Variants in CHLSN observed in about 807,000 individuals in gnomAD.
CHLSN encodes protein cholesin.
chr7:993,328 G>C, the CHLSN span, among the ~76,000 whole-genome samples: 1 of 152,162 alleles, frequency 6.6e-6, no homozygotes, highest in Non-Finnish European at 1.5e-5. Context: ...CCGAGGGACT[G>C]GACGGACGGC....
At chr7:1,058,528 C>T in the CHLSN span, 2 of 772,200 alleles carry the variant, frequency 2.6e-6, no homozygotes, top group African/African-American at 1.7e-5. Context: ...GCGGCCCAGC[C>T]CTCCTGGGGA....
chr7:1,008,751 A>C, the CHLSN span, among the ~76,000 whole-genome samples: 2 of 152,098 alleles, frequency 1.3e-5, no homozygotes, highest in Non-Finnish European at 2.9e-5. Flanking sequence ...TCCACACATA[A>C]ACACACACGT....
At chr7:1,110,947 C>T in the CHLSN span, among the ~76,000 whole-genome samples, 1 of 152,178 alleles carries the variant, frequency 6.6e-6, no homozygotes. Context: ...TGTGGTGGCA[C>T]ACGCCTGTAG....
chr7:983,425 G>A, the CHLSN span: 7 of 1,420,468 alleles, frequency 4.9e-6, no homozygotes, highest in East Asian at 2.8e-5. Context: ...CGCTTGGACA[G>A]CTGCCGTGTC....
the CHLSN span, among the ~76,000 whole-genome samples, chr7:983,589 C>T: frequency 5.6e-3 from 854 of 152,266 alleles, 4 homozygotes; most frequent in Non-Finnish European, 9.3e-3. Flanking sequence ...ACACTGAGTA[C>T]GAAGAAGCCC....
chr7:988,221 G>A, the CHLSN span: 241 of 1,528,902 alleles, frequency 1.6e-4, 1 homozygote, highest in African/African-American at 2.6e-3. Context: ...TCCCAACCCA[G>A]GCCCCATCCC....
At chr7:1,056,907 C>T in the CHLSN span, 8 of 152,996 alleles carry the variant, frequency 5.2e-5, 1 homozygote, top group Non-Finnish European at 7.3e-5. Context: ...AGGATGGCTC[C>T]AGCCGCCAGG....
At chr7:1,006,744 G>A in the CHLSN span, among the ~76,000 whole-genome samples, 1 of 151,678 alleles carries the variant, frequency 6.6e-6, no homozygotes, top group African/African-American at 2.4e-5. Context: ...AAGAGCGCAC[G>A]ATGGCCACAT....
At chr7:1,033,125 C>T in the CHLSN span, among the ~76,000 whole-genome samples, 1 of 152,204 alleles carries the variant, frequency 6.6e-6, no homozygotes, top group Non-Finnish European at 1.5e-5. Context: ...ATACCCAAAC[C>T]AGATGAAAAC....
chr7:981,160 G>A, the CHLSN span, among the ~76,000 whole-genome samples: 1 of 152,024 alleles, frequency 6.6e-6, no homozygotes, highest in African/African-American at 2.4e-5. Context: ...GCTGAGTGTG[G>A]TTGCATATGC....
At chr7:1,021,344 T>C in the CHLSN span, 8 of 983,104 alleles carry the variant, frequency 8.1e-6, no homozygotes, top group African/African-American at 1.7e-5. Flanking sequence ...CTTTTCATCG[T>C]GGCAGTAGGA....
At chr7:1,023,890 GACTGCAGCGGCACCATCACAGTTT>G in the CHLSN span, among the ~76,000 whole-genome samples, 3 of 152,130 alleles carry the variant, frequency 2.0e-5, no homozygotes, top group African/African-American at 7.2e-5. This position sits in a 1 kb window ranked among gnomAD's most constrained non-coding sequence, Gnocchi z 5.0. Flanking sequence ...GCCCAGGCTG[GACTGCAGCGGCACCATCACAGTTT>G]ACTGCAGCCT....
chr7:1,079,091 C>T, the CHLSN span, among the ~76,000 whole-genome samples: 1 of 152,134 alleles, frequency 6.6e-6, no homozygotes. Context: ...GCTGAGGAGG[C>T]AGCGAGGCCT....
At chr7:1,107,847 C>T in the CHLSN span, among the ~76,000 whole-genome samples, 1 of 149,458 alleles carries the variant, frequency 6.7e-6, no homozygotes, top group Non-Finnish European at 1.5e-5. Flanking sequence ...ACCCGCACCC[C>T]GGGAGGAAGC....
the CHLSN span, among the ~76,000 whole-genome samples, chr7:994,145 C>T: frequency 1.3e-5 from 2 of 152,272 alleles, no homozygotes; most frequent in African/African-American, 4.8e-5. Context: ...TATTTAAAAA[C>T]ATTACTTTTA....
the CHLSN span, among the ~76,000 whole-genome samples, chr7:1,009,053 A>G: frequency 7.1e-4 from 108 of 152,206 alleles, 1 homozygote; most frequent in East Asian, 0.016. Context: ...ACACACGTAC[A>G]CGTGCACGTG....
At chr7:1,111,910 C>A in the CHLSN span, among the ~76,000 whole-genome samples, 3 of 152,046 alleles carry the variant, frequency 2.0e-5, no homozygotes, top group Admixed American at 6.6e-5. Flanking sequence ...TCAGCACACG[C>A]GGCTGCTACA....
the CHLSN span, among the ~76,000 whole-genome samples, chr7:1,020,339 C>T: frequency 6.6e-6 from 1 of 152,180 alleles, no homozygotes; most frequent in African/African-American, 2.4e-5. Flanking sequence ...AGCACGCCCA[C>T]CAAAGGGGAG....
At chr7:1,095,568 C>T in the CHLSN span, among the ~76,000 whole-genome samples, 6 of 152,232 alleles carry the variant, frequency 3.9e-5, no homozygotes, top group Non-Finnish European at 8.8e-5. Context: ...TTAAAATACG[C>T]AGACGAGAGA....
Sources: gnomAD v4.1 joint callset for allele counts (sites outside exome capture counted in the v4.1 genomes callset) on GRCh38, gnomAD v4.1.1 for gene constraint, Gnocchi (gnomAD v3.1) non-coding constraint, MANE v1.5 for transcripts, NCBI Gene and HGNC (gene_info 2026-07-23, HGNC 2026-07-21) for gene names.